The following NRG1 variants were observed in gnomAD, a reference collection of about 807,000 sequenced individuals.
NRG1 encodes the protein pro-neuregulin-1, membrane-bound isoform.
In NRG1, 18 loss-of-function variants were observed where a neutral mutation model predicts 63.8. The ratio of observed to expected loss-of-function variants is 0.28; its 90% CI spans 0.19 to 0.42. NRG1 has a LOEUF of 0.42. Ranked by LOEUF, NRG1 falls within the 10% of genes least tolerant of loss-of-function variation. NRG1 has a pLI of 1.00. For synonymous variants in NRG1, 302 were observed against 301.3 expected (o/e 1.00, Z -0.02); for missense variants, 762 against 814.7 (o/e 0.94, Z 0.79).
intron 1 of NRG1, among the ~76,000 whole-genome samples, chr8:32,529,618 T>C (rs2129517077): frequency 6.6e-6 from 1 of 152,308 alleles, no homozygotes; most frequent in African/African-American, 2.4e-5. Context: ...TTATTATTAA[T>C]TATTATTATT....
At chr8:32,583,341 G>A (rs1223668058) in intron 1 of NRG1, among the ~76,000 whole-genome samples, 1 of 151,950 alleles carries the variant, frequency 6.6e-6, no homozygotes, top group Admixed American at 6.6e-5. Context: ...GAGTAATTTT[G>A]TGACTGCTTC....
At chr8:31,811,625 A>C (rs1822897405) in intron 1 of NRG1, among the ~76,000 whole-genome samples, 2 of 152,162 alleles carry the variant, frequency 1.3e-5, no homozygotes, top group African/African-American at 4.8e-5. Flanking sequence ...TTTATATCTT[A>C]TCACTGTTTT....
chr8:31,737,238 C>A (rs1384612140), intron 1 of NRG1, among the ~76,000 whole-genome samples: 1 of 152,054 alleles, frequency 6.6e-6, no homozygotes, highest in African/African-American at 2.4e-5. Flanking sequence ...TTCATCCTTC[C>A]AAACTCATTG....
intron 1 of NRG1, among the ~76,000 whole-genome samples, chr8:32,281,869 T>C (rs1056842476): frequency 2.0e-5 from 3 of 152,264 alleles, no homozygotes; most frequent in African/African-American, 7.2e-5. Flanking sequence ...TATTTTACCA[T>C]AATACAAAAT....
At chr8:32,388,677 A>G (rs1489862009) in intron 1 of NRG1, among the ~76,000 whole-genome samples, 1 of 152,124 alleles carries the variant, frequency 6.6e-6, no homozygotes, top group Non-Finnish European at 1.5e-5. Flanking sequence ...CGTCTCAAAA[A>G]ATGCTTTATT....
At chr8:32,632,898 T>C (rs947255507) in intron 5 of NRG1, among the ~76,000 whole-genome samples, 6 of 152,224 alleles carry the variant, frequency 3.9e-5, no homozygotes, top group African/African-American at 1.4e-4. Flanking sequence ...TGGGTTGTTA[T>C]CAGGACTCAT....
intron 5 of NRG1, among the ~76,000 whole-genome samples, chr8:32,679,316 C>T (rs1808006201): frequency 6.6e-6 from 1 of 151,986 alleles, no homozygotes; most frequent in African/African-American, 2.4e-5. Context: ...GTAGTTAAAT[C>T]CTTAACAATA....
At chr8:32,429,008 A>G (rs1817788688) in intron 1 of NRG1, among the ~76,000 whole-genome samples, 2 of 152,076 alleles carry the variant, frequency 1.3e-5, no homozygotes, top group Admixed American at 1.3e-4. Context: ...ATTCCACTCC[A>G]TGTGTTAGGT....
intron 1 of NRG1, among the ~76,000 whole-genome samples, chr8:32,314,007 A>G (rs1857098703): frequency 6.6e-6 from 1 of 152,196 alleles, no homozygotes. Flanking sequence ...GGTCATGTTA[A>G]CTACCCTTAA....
intron 1 of NRG1, among the ~76,000 whole-genome samples, chr8:31,927,439 CTTTTTTTTTTTTTTTT>C (rs71539998): frequency 2.9e-5 from 2 of 68,034 alleles, no homozygotes; most frequent in African/African-American, 1.2e-4. Context: ...GAGAAAACTA[CTTTTTTTTTTTTTTTT>C]TTTTTTTTTT....
At chr8:32,262,132 G>A (rs971175226) in intron 1 of NRG1, among the ~76,000 whole-genome samples, 2 of 152,194 alleles carry the variant, frequency 1.3e-5, no homozygotes, top group African/African-American at 4.8e-5. Flanking sequence ...CACATGATGT[G>A]TGGAAGGTTT....
chr8:32,328,909 T>C (rs1563320659), intron 1 of NRG1, among the ~76,000 whole-genome samples: 1 of 149,806 alleles, frequency 6.7e-6, no homozygotes, highest in Non-Finnish European at 1.5e-5. Context: ...AGTGCATGAC[T>C]GTGACGTGGA....
rs987731295 is a variant in NRG1 at position 31,892,925 on chromosome 8, A to G, written c.37+253494A>G. 1.1e-4 allele frequency among the ~76,000 whole-genome samples: 16 copies of G among 152,156 alleles called. 1 individual carries two copies. Among genetic ancestry groups the G allele is most frequent in the African/African-American group, 3.6e-4 (15 of 41,566 alleles). On this transcript the variant is annotated intron_variant, in intron 1 of 10. Coordinates refer to the NRG1 transcript ENST00000519301. ...TATATAATTCATCTGAAATAAATGT[A>G]TAAAACAGCTAATTTTCTGGTAAGA...
chr8:31,652,505 C>A (rs1046680376), intron 1 of NRG1, among the ~76,000 whole-genome samples: 2 of 152,204 alleles, frequency 1.3e-5, no homozygotes, highest in Non-Finnish European at 2.9e-5. Context: ...GTGTTCTTGT[C>A]CAGTTCTTTC....
intron 1 of NRG1, among the ~76,000 whole-genome samples, chr8:31,968,422 G>A (rs1487751556): frequency 2.0e-5 from 3 of 152,116 alleles, no homozygotes; most frequent in Non-Finnish European, 4.4e-5. Context: ...TATTCCCAAA[G>A]AGCTAATATA....
chr8:32,729,721 A>C (rs890189569), intron 6 of NRG1, among the ~76,000 whole-genome samples: 1 of 152,238 alleles, frequency 6.6e-6, no homozygotes, highest in African/African-American at 2.4e-5. Context: ...AATTATATTT[A>C]TAAGTAAGGA....
intron 1 of NRG1, among the ~76,000 whole-genome samples, chr8:31,872,273 G>T (rs139625861): frequency 1.3e-5 from 2 of 152,172 alleles, no homozygotes; most frequent in African/African-American, 4.8e-5. Context: ...TTTAAGAGGG[G>T]ACTCTTTCTG....
At chr8:32,636,288 G>T (rs948780533) in intron 5 of NRG1, among the ~76,000 whole-genome samples, 4 of 152,164 alleles carry the variant, frequency 2.6e-5, no homozygotes, top group Non-Finnish European at 5.9e-5. Flanking sequence ...TACTTTTCCT[G>T]CTAGGTTAAA....
At chr8:31,829,100 CT>C (rs1445988216) in intron 1 of NRG1, among the ~76,000 whole-genome samples, 2 of 152,160 alleles carry the variant, frequency 1.3e-5, no homozygotes, top group Admixed American at 6.5e-5. Flanking sequence ...AAAAGTTCAC[CT>C]CCTTCATGAG....
Sources: allele counts gnomAD v4.1 joint callset (sites outside exome capture counted in the v4.1 genomes callset), GRCh38; gene constraint gnomAD v4.1.1; transcripts MANE v1.5; gene names NCBI Gene and HGNC (gene_info 2026-07-23, HGNC 2026-07-21).